The following TSC22D1 variants were observed in gnomAD, a reference collection of about 807,000 sequenced individuals.
The protein encoded by TSC22D1 is TSC22 domain family protein 1.
A neutral mutation model predicts 74.2 loss-of-function variants in TSC22D1; 9 were observed. The observed-to-expected ratio is 0.12, with a 90% CI of 0.07 to 0.21. TSC22D1 has a LOEUF of 0.21. Ranked by LOEUF, TSC22D1 falls within the 10% of genes least tolerant of loss-of-function variation. The pLI is 1.00. For synonymous variants in TSC22D1, 586 were observed against 492.5 expected, an observed-to-expected ratio of 1.19 and a Z score of -2.51; for missense variants, 1,427 against 1,304.7, an observed-to-expected ratio of 1.09 and a Z score of -1.44.
In TSC22D1 at chr13:44,575,944, G is replaced by C. The variant is rs972226131; in HGVS notation, c.131C>G (p.Ala44Gly). The C allele has an allele frequency of 3.7e-6, 6 of 1,611,138 alleles. No homozygotes were observed. Among genetic ancestry groups the C allele is most frequent in the South Asian group, 1.1e-5 (1 of 90,756 alleles). ...GGCATTACTACCGACGCCGGTACCT[G>C]CTGCATTGAGAGCAGAGGCGCTGCC... ...GSGSASALNA[A>G]GTGVGSNATS... Residue 44 changes from alanine to glycine, a missense_variant, in exon 1 of 3, where the codon GCA becomes GGA. Ala to Gly is a moderately conservative substitution (Grantham distance 60). This residue lies in a region of TSC22D1 where 1,343 missense variants were observed against 1,191.5 expected (regional missense o/e 1.13). Transcript: ENST00000458659.
intron 1 of TSC22D1, among the ~76,000 whole-genome samples, chr13:44,446,257 C>G (rs1875632858): frequency 6.6e-6 from 1 of 152,156 alleles, no homozygotes; most frequent in Non-Finnish European, 1.5e-5. Flanking sequence ...ACAAGCCACA[C>G]TTAAAGACTG....
At chr13:44,437,675 T>C (rs916488977) in intron 1 of TSC22D1, among the ~76,000 whole-genome samples, 1 of 152,142 alleles carries the variant, frequency 6.6e-6, no homozygotes, top group African/African-American at 2.4e-5. Flanking sequence ...TCCACATAAA[T>C]CTATTTTTAG....
intron 1 of TSC22D1, among the ~76,000 whole-genome samples, chr13:44,533,676 G>C (rs535946380): frequency 6.6e-6 from 1 of 151,866 alleles, no homozygotes; most frequent in Non-Finnish European, 1.5e-5. Flanking sequence ...CCAGGTACTC[G>C]GGAGGCTGAG....
rs1271183064 is a variant in TSC22D1 at position 44,517,829 on chromosome 13, G to GTGTATATA, written c.2912+55333_2912+55334insTATATACA. ...CATATATATGTGTGTGTGTGTGTGT[G>GTGTATATA]TATATATATATATATATATATATAT... On this transcript the variant is annotated intron_variant, in intron 1 of 2. Transcript: ENST00000458659. Among the ~76,000 whole-genome samples, 59 of 14,128 alleles carry GTGTATATA rather than the reference G, an allele frequency of 4.2e-3. 3 individuals carry two copies. Among genetic ancestry groups the GTGTATATA allele is most frequent in the Admixed American group, 0.035 (19 of 542 alleles). The allele number at this position is 14,128 out of a possible 152,430, so 9.3% of individuals were successfully genotyped here. A position where few individuals can be genotyped will look rare whatever the true frequency, so the allele number is the denominator to read the frequency against.
chr13:44,516,321 AC>A (rs779273281), intron 1 of TSC22D1: 1 of 475,814 alleles, frequency 2.1e-6, no homozygotes, highest in Non-Finnish European at 4.1e-6. Flanking sequence ...ACCACAGGTT[AC>A]CTCCCTCTAA....
Position 44,434,229 on chromosome 13 carries a change from G to A in TSC22D1, c.*397C>T, listed in dbSNP as rs528294960. ...GAGAGGAGAGAGGCGAGTCCAGTGA[G>A]GAGCTCCATCGCTTCACAACCCCAT... On this transcript the variant is annotated 3_prime_UTR_variant, in exon 3 of 3. Coordinates refer to ENST00000458659, the MANE Select transcript of TSC22D1 (RefSeq NM_183422.4). The A allele has an allele frequency of 7.0e-6, 10 of 1,424,154 alleles. No individual in the cohort carries two copies. The South Asian group carries it at 9.6e-5, about 14-fold the overall frequency. 88.2% of individuals were successfully genotyped at this position (1,424,154 alleles called of 1,614,324 possible).
chr13:44,500,651 T>C (rs1226377479), intron 1 of TSC22D1, among the ~76,000 whole-genome samples: 2 of 152,154 alleles, frequency 1.3e-5, no homozygotes, highest in Admixed American at 6.5e-5. Flanking sequence ...TCTGGGTTCT[T>C]AATGCTAACA....
At chr13:44,547,601 G>A (rs753853655) in intron 1 of TSC22D1, among the ~76,000 whole-genome samples, 22 of 151,940 alleles carry the variant, frequency 1.4e-4, no homozygotes, top group Non-Finnish European at 2.4e-4. Flanking sequence ...AAAAATTTTC[G>A]CAGGAAATAG....
At chr13:44,552,239 TCA>T (rs1233076687) in intron 1 of TSC22D1, among the ~76,000 whole-genome samples, 1 of 152,214 alleles carries the variant, frequency 6.6e-6, no homozygotes, top group Non-Finnish European at 1.5e-5. Flanking sequence ...TTTCTGTACT[TCA>T]TATTTCATTT....
intron 1 of TSC22D1, among the ~76,000 whole-genome samples, chr13:44,561,564 C>A (rs1185366694): frequency 3.3e-5 from 5 of 152,166 alleles, no homozygotes; most frequent in African/African-American, 9.7e-5. Flanking sequence ...CTTTGAACCT[C>A]TTTGCTTAAT....
At chr13:44,438,639 T>C (rs1874929617) in intron 1 of TSC22D1, among the ~76,000 whole-genome samples, 1 of 152,152 alleles carries the variant, frequency 6.6e-6, no homozygotes, top group South Asian at 2.1e-4. Flanking sequence ...ATAACAATAA[T>C]TGTTAACATA....
chr13:44,448,831 T>C (rs1378990682), intron 1 of TSC22D1, among the ~76,000 whole-genome samples: 5 of 152,128 alleles, frequency 3.3e-5, no homozygotes, highest in Non-Finnish European at 5.9e-5. Context: ...GGATGGAGCA[T>C]AGAACCAAAT....
chr13:44,456,205 G>C (rs191775363), intron 1 of TSC22D1, among the ~76,000 whole-genome samples: 1 of 152,176 alleles, frequency 6.6e-6, no homozygotes. Context: ...AAGATTTATC[G>C]CTAACAGTAA....
chr13:44,571,532 T>C (rs1056647055), intron 1 of TSC22D1, among the ~76,000 whole-genome samples: 5 of 152,166 alleles, frequency 3.3e-5, no homozygotes, highest in Non-Finnish European at 7.4e-5. Context: ...AATGAGTGTT[T>C]TTGTTTGTGT....
rs570470983 is a variant in TSC22D1 at position 44,455,601 on chromosome 13, A to G, written c.2913-19506T>C. 6.6e-5 allele frequency among the ~76,000 whole-genome samples: 10 copies of G among 152,338 alleles called. No individual in the cohort carries two copies. The South Asian group carries it at 1.0e-3, about 16-fold the overall frequency. Reference sequence around the variant, plus strand: ...AAACTTTCCCTGTCTGGAAGTACAAATAAGTCAGGTCCTCCTGTAGAATCA... The same window carrying G: ...AAACTTTCCCTGTCTGGAAGTACAAGTAAGTCAGGTCCTCCTGTAGAATCA... On this transcript the variant is annotated intron_variant, in intron 1 of 2. Coordinates refer to ENST00000458659, the MANE Select transcript of TSC22D1 (RefSeq NM_183422.4).
chr13:44,552,028 T>C (rs954320987), intron 1 of TSC22D1, among the ~76,000 whole-genome samples: 11 of 152,230 alleles, frequency 7.2e-5, no homozygotes, highest in African/African-American at 1.9e-4. Flanking sequence ...TACACCTCTC[T>C]CCTTTACAAG....
At chr13:44,464,023 G>A (rs539123607) in intron 1 of TSC22D1, among the ~76,000 whole-genome samples, 5 of 152,256 alleles carry the variant, frequency 3.3e-5, no homozygotes, top group Non-Finnish European at 7.4e-5. Flanking sequence ...CAAGTCTTGG[G>A]ATGATGGAAG....
chr13:44,546,275 G>A (rs916722234), intron 1 of TSC22D1, among the ~76,000 whole-genome samples: 10 of 152,114 alleles, frequency 6.6e-5, no homozygotes, highest in East Asian at 1.9e-4. Context: ...CCCAAGACAT[G>A]TGTTAATTAC....
intron 1 of TSC22D1, among the ~76,000 whole-genome samples, chr13:44,554,615 TC>T (rs1225236935): frequency 1.7e-5 from 1 of 59,716 alleles, no homozygotes; most frequent in East Asian, 5.3e-4. Flanking sequence ...AAATAAATCA[TC>T]CCAATACCAG....
Sources: allele counts gnomAD v4.1 joint callset (sites outside exome capture counted in the v4.1 genomes callset), GRCh38; gene constraint gnomAD v4.1.1; regional missense constraint gnomAD v4.1.1; transcripts MANE v1.5; gene names NCBI Gene and HGNC (gene_info 2026-07-23, HGNC 2026-07-21).